Variants in EPB41L2 observed in about 807,000 individuals in gnomAD.
EPB41L2 encodes the protein band 4.1-like protein 2.
Under a neutral mutation model 113.0 loss-of-function variants are expected in EPB41L2, and 43 were observed. The observed-to-expected ratio is 0.38, with a 90% confidence interval of 0.30 to 0.49. The LOEUF (loss-of-function observed/expected upper bound fraction) is 0.49, where lower values mean the gene tolerates loss of function less well. Ranked by LOEUF, EPB41L2 falls within the 20% of genes least tolerant of loss-of-function variation. The pLI is 0.95. For synonymous variants in EPB41L2, 442 were observed against 436.7 expected (o/e 1.01, Z -0.15); for missense variants, 1,147 against 1,223.4 (o/e 0.94, Z 0.93).
At chr6:130,870,212 C>T in intron 14 of EPB41L2, 86 bp from the exon 15 acceptor site, 2 of 1,531,072 alleles carry the variant, frequency 1.3e-6, no homozygotes, top group Non-Finnish European at 1.8e-6. Context: ...ATGGCAGATT[C>T]ATGTCATGGA....
intron 1 of EPB41L2, among the ~76,000 whole-genome samples, chr6:131,048,665 A>G (rs1180314161): frequency 3.3e-5 from 5 of 152,206 alleles, no homozygotes; most frequent in African/African-American, 1.2e-4. Flanking sequence ...ATGAAACAAG[A>G]CTGGTCATGT....
rs189324219 is a variant in EPB41L2 at position 131,051,960 on chromosome 6, G to A, written c.-15+11195C>T. Among the ~76,000 whole-genome samples the A allele has an allele frequency of 6.5e-3, 924 of 141,986 alleles. 14 individuals carry two copies. Among genetic ancestry groups the A allele is most frequent in the African/African-American group, 0.023 (862 of 37,602 alleles). 93.1% of individuals were successfully genotyped at this position (141,986 alleles called of 152,430 possible). A position where few individuals can be genotyped will look rare whatever the true frequency, so the allele number is the denominator to read the frequency against. On this transcript the variant is annotated intron_variant, in intron 1 of 19. Transcript: ENST00000337057. ...TTTTTTTTCTTTTTTTTTTTGAGAC[G>A]GAGTCTTACTCTGTCACCCAGGCTG...
chr6:130,867,743 A>G, intron 15 of EPB41L2, 162 bp from the exon 16 acceptor site: 1 of 912,854 alleles, frequency 1.1e-6, no homozygotes, highest in Non-Finnish European at 1.7e-6. Context: ...AAGAAATAAA[A>G]GAAAAATTTT....
rs74471469 is a variant in EPB41L2 at position 131,027,118 on chromosome 6, T to C, written c.-15+36037A>G. 2.3e-4 allele frequency among the ~76,000 whole-genome samples: 35 copies of C among 152,318 alleles called. No individual in the cohort carries two copies. In the East Asian group the frequency reaches 5.8e-3, roughly 25 times the overall value. On this transcript the variant is annotated intron_variant, in intron 1 of 19. Transcript: ENST00000337057. ...TAAGAGATTGAGCAGGCAAAATACA[T>C]TGGAAAAAACACATTTTTCCTAATA...
chr6:130,958,250 G>A (rs771173631), intron 1 of EPB41L2, among the ~76,000 whole-genome samples: 4 of 152,038 alleles, frequency 2.6e-5, no homozygotes, highest in East Asian at 1.9e-4. Flanking sequence ...TCAGGAGTTC[G>A]AGACCATCCT....
At chr6:130,934,271 T>A (rs779511458) in intron 3 of EPB41L2, among the ~76,000 whole-genome samples, 1 of 152,168 alleles carries the variant, frequency 6.6e-6, no homozygotes, top group Non-Finnish European at 1.5e-5. Flanking sequence ...GTCAATTTTG[T>A]GTGTGTGTTA....
intron 10 of EPB41L2, among the ~76,000 whole-genome samples, chr6:130,892,973 T>C (rs1793464740): frequency 6.6e-6 from 1 of 151,890 alleles, no homozygotes; most frequent in Non-Finnish European, 1.5e-5. Context: ...ACCTTAAAGA[T>C]GAAGGATCTA....
intron 19 of EPB41L2, among the ~76,000 whole-genome samples, chr6:130,845,502 C>A (rs758988913): frequency 2.0e-5 from 3 of 152,098 alleles, no homozygotes; most frequent in Non-Finnish European, 4.4e-5. Context: ...CTCAGCCTCC[C>A]AAGTAGCTAG....
intron 6 of EPB41L2, 89 bp downstream of exon 6, chr6:130,904,376 A>C: frequency 9.5e-6 from 8 of 838,608 alleles, no homozygotes; most frequent in Non-Finnish European, 1.5e-5. Flanking sequence ...TTTGGTTTTC[A>C]ATCCTGAAAT....
chr6:130,951,664 G>A (rs188190043), intron 3 of EPB41L2, among the ~76,000 whole-genome samples: 68 of 152,042 alleles, frequency 4.5e-4, no homozygotes, highest in South Asian at 3.3e-3. Context: ...AATTACTTTT[G>A]CACCAGCCTA....
chr6:131,034,970 A>C (rs1320048726), intron 1 of EPB41L2, among the ~76,000 whole-genome samples: 2 of 152,190 alleles, frequency 1.3e-5, no homozygotes, highest in African/African-American at 2.4e-5. Flanking sequence ...GATTCTTCAC[A>C]CCTAACTGCC....
intron 1 of EPB41L2, among the ~76,000 whole-genome samples, chr6:130,980,161 G>T (rs1779072725): frequency 6.6e-6 from 1 of 152,148 alleles, no homozygotes; most frequent in African/African-American, 2.4e-5. Context: ...AAGTTCAGTG[G>T]CTAGGAGAAG....
At chr6:130,948,026 T>C (rs989304043) in intron 3 of EPB41L2, among the ~76,000 whole-genome samples, 1 of 152,188 alleles carries the variant, frequency 6.6e-6, no homozygotes, top group Non-Finnish European at 1.5e-5. Flanking sequence ...CATTTTGCTA[T>C]GAACTCAAAA....
intron 19 of EPB41L2, among the ~76,000 whole-genome samples, chr6:130,857,412 C>T (rs999348692): frequency 6.6e-6 from 1 of 152,112 alleles, no homozygotes; most frequent in Non-Finnish European, 1.5e-5. Context: ...GATACTATTC[C>T]TTTCTCTGCC....
chr6:130,998,610 C>CAAA (rs1256487255), intron 1 of EPB41L2, among the ~76,000 whole-genome samples: 12 of 152,244 alleles, frequency 7.9e-5, no homozygotes, highest in African/African-American at 2.9e-4. Context: ...GCTTAGTTAT[C>CAAA]TTCAGTGGAC....
intron 10 of EPB41L2, 70 bp from the exon 11 acceptor site, chr6:130,890,536 T>A (rs906667958): frequency 3.1e-5 from 47 of 1,511,782 alleles, no homozygotes; most frequent in Admixed American, 9.1e-5. Context: ...CGGAATTTTT[T>A]AAAAAAACTT....
chr6:130,983,031 T>C (rs1779731886), intron 1 of EPB41L2, among the ~76,000 whole-genome samples: 1 of 152,196 alleles, frequency 6.6e-6, no homozygotes, highest in Non-Finnish European at 1.5e-5. Context: ...TTATATAGCC[T>C]CAACTACAAA....
At chr6:130,848,736 CACACAT>C (rs1428935587) in intron 19 of EPB41L2, among the ~76,000 whole-genome samples, 1 of 152,198 alleles carries the variant, frequency 6.6e-6, no homozygotes, top group Admixed American at 6.5e-5. Flanking sequence ...TACAAAAACA[CACACAT>C]ACACAAACTT....
chr6:131,004,256 G>A (rs188742961), intron 1 of EPB41L2, among the ~76,000 whole-genome samples: 27 of 152,226 alleles, frequency 1.8e-4, no homozygotes, highest in African/African-American at 6.3e-4. Flanking sequence ...GAAGGGGTGG[G>A]CACAGTGGGG....
Sources: allele counts gnomAD v4.1 joint callset (sites outside exome capture counted in the v4.1 genomes callset), GRCh38; gene constraint gnomAD v4.1.1; transcripts MANE v1.5; gene names NCBI Gene and HGNC (gene_info 2026-07-23, HGNC 2026-07-21).